The following CNTN3 variants were observed in gnomAD, a reference collection of about 807,000 sequenced individuals.
CNTN3 encodes contactin-3.
In CNTN3, 60 loss-of-function variants were observed where a neutral mutation model predicts 119.1. The ratio of observed to expected loss-of-function variants is 0.50; its 90% confidence interval spans 0.41 to 0.62. The LOEUF is 0.62. Ranked by LOEUF, CNTN3 falls within the 20% of genes least tolerant of loss-of-function variation. CNTN3 has a pLI of 0.00. For synonymous variants in CNTN3, 450 were observed against 438.7 expected, an observed-to-expected ratio of 1.03 and a Z score of -0.32; for missense variants, 1,101 against 1,242.4, an observed-to-expected ratio of 0.89 and a Z score of 1.71.
chr3:74,282,521 C>T (rs1021293683), intron 20 of CNTN3, among the ~76,000 whole-genome samples: 2 of 152,200 alleles, frequency 1.3e-5, no homozygotes, highest in African/African-American at 2.4e-5. Context: ...GTGCTGGGCA[C>T]TGTGGCTGGG....
At chr3:74,587,468 T>TCCAGAGA (rs1261047237) in intron 1 of CNTN3, among the ~76,000 whole-genome samples, 2 of 152,066 alleles carry the variant, frequency 1.3e-5, no homozygotes, top group African/African-American at 4.8e-5. Context: ...AAATTGTGAT[T>TCCAGAGA]CCATCAACTT....
At chr3:74,562,827 A>G (rs544805124) in intron 1 of CNTN3, among the ~76,000 whole-genome samples, 1 of 152,128 alleles carries the variant, frequency 6.6e-6, no homozygotes, top group South Asian at 2.1e-4. Context: ...GAAGAAAAAA[A>G]AAAATACTGT....
chr3:74,447,839 C>G lies in CNTN3; in HGVS notation c.359-22899G>C, dbSNP rs1022013164. ...ACCTGGACCCCAGGTTAAAATTGCT[C>G]TATGTAAAAACATGAACCATTTTTA... On this transcript the variant is annotated intron_variant, in intron 4 of 22. Transcript: ENST00000263665. Among the ~76,000 whole-genome samples the G allele has an allele frequency of 2.6e-5, 4 of 152,150 alleles. No individual in the cohort carries two copies. In the South Asian group the frequency reaches 6.2e-4, roughly 24 times the overall value.
intron 1 of CNTN3, among the ~76,000 whole-genome samples, chr3:74,555,954 A>G (rs1036097917): frequency 1.1e-4 from 17 of 152,246 alleles, no homozygotes; most frequent in African/African-American, 3.8e-4. Flanking sequence ...AAAATTAACA[A>G]TACGGTGTCT....
rs181763014 is a variant in CNTN3 at position 74,301,596 on chromosome 3, C to T, written c.1946-49G>A. 3.7e-3 allele frequency: 5,954 copies of T among 1,612,008 alleles called. 68 individuals are homozygous for T. The Middle Eastern group carries it at 0.054, about 15-fold the overall frequency. ...AAGAGTCTGCCTGCTTTAGCATTGA[C>T]TTGAAATCCATTTATATGTGTGCAG... is the stretch of plus-strand genomic sequence containing the variant. On this transcript the variant is annotated intron_variant, in intron 15 of 22. Coordinates refer to ENST00000263665, the MANE Select transcript of CNTN3 (RefSeq NM_020872.3).
chr3:74,330,188 C>A (rs1397649661), intron 13 of CNTN3, among the ~76,000 whole-genome samples: 1 of 151,882 alleles, frequency 6.6e-6, no homozygotes, highest in Non-Finnish European at 1.5e-5. Flanking sequence ...AAACCCCATC[C>A]CTACTAAAAA....
intron 5 of CNTN3, among the ~76,000 whole-genome samples, chr3:74,401,169 TCC>T (rs142578744): frequency 0.18 from 28,022 of 151,888 alleles, 3,282 homozygotes; most frequent in East Asian, 0.37. Context: ...AATGAAAATG[TCC>T]CCAAAAAAGG....
chr3:74,408,101 G>A (rs943297351), intron 5 of CNTN3, among the ~76,000 whole-genome samples: 1 of 152,176 alleles, frequency 6.6e-6, no homozygotes, highest in African/African-American at 2.4e-5. Flanking sequence ...GTAGGACCTT[G>A]AGAGGTCATC....
intron 13 of CNTN3, among the ~76,000 whole-genome samples, chr3:74,332,042 C>T (rs1703276773): frequency 6.6e-6 from 1 of 152,162 alleles, no homozygotes; most frequent in Non-Finnish European, 1.5e-5. Flanking sequence ...TTTCTATAAC[C>T]TGAACTACCC....
chr3:74,493,259 T>G (rs542129388), intron 3 of CNTN3, among the ~76,000 whole-genome samples: 4 of 152,270 alleles, frequency 2.6e-5, no homozygotes, highest in African/African-American at 9.6e-5. Flanking sequence ...AATTGTGTCT[T>G]CCATTTGAAC....
rs527502597 is a variant in CNTN3 at position 74,372,956 on chromosome 3, C to T, written c.455-1557G>A. On this transcript the variant is annotated intron_variant, in intron 5 of 22. Coordinates refer to ENST00000263665, the MANE Select transcript of CNTN3 (RefSeq NM_020872.3). Reference sequence around the variant, plus strand: ...AAACATGATGACTAATTCCCATTCACGATGCAAATGCAAATGCTTGATGTT... The same window carrying T: ...AAACATGATGACTAATTCCCATTCATGATGCAAATGCAAATGCTTGATGTT... 3.7e-4 allele frequency among the ~76,000 whole-genome samples: 56 copies of T among 152,272 alleles called. 1 individual carries two copies. The highest frequency in any genetic ancestry group is 2.6e-3 in the Admixed American group (40 of 15,292).
intron 1 of CNTN3, among the ~76,000 whole-genome samples, chr3:74,541,706 G>C (rs1703845161): frequency 6.6e-6 from 1 of 151,984 alleles, no homozygotes; most frequent in African/African-American, 2.4e-5. Flanking sequence ...TATGTGCTGG[G>C]GTCATGAGAG....
intron 1 of CNTN3, among the ~76,000 whole-genome samples, chr3:74,581,001 C>T (rs776985490): frequency 1.3e-5 from 2 of 152,164 alleles, no homozygotes; most frequent in Non-Finnish European, 2.9e-5. Context: ...GGATTACAGG[C>T]GTGAGCCACC....
At position 74,595,987 on chromosome 3, in the gene CNTN3, CA is replaced by C. The variant is rs559938000; in HGVS notation, c.-81+18403del. On this transcript the variant is annotated intron_variant, in intron 1 of 22. Coordinates refer to ENST00000263665, the MANE Select transcript of CNTN3 (RefSeq NM_020872.3). ...TCCTTAAGATGATAAGCAACTTCAG[CA>C]AAGTCTCAGGATACAAAATCAATGT... 2.9e-3 allele frequency among the ~76,000 whole-genome samples: 442 copies of C among 152,176 alleles called. 2 individuals are homozygous for C. Among genetic ancestry groups the C allele is most frequent in the Non-Finnish European group, 4.8e-3 (324 of 67,986 alleles).
At chr3:74,494,950 G>A (rs762208103) in intron 3 of CNTN3, among the ~76,000 whole-genome samples, 8 of 152,056 alleles carry the variant, frequency 5.3e-5, no homozygotes, top group Non-Finnish European at 1.0e-4. Context: ...TGTCAAGAAC[G>A]CTTCCTAGGA....
chr3:74,379,794 G>C (rs533309773), intron 5 of CNTN3, among the ~76,000 whole-genome samples: 4 of 152,126 alleles, frequency 2.6e-5, no homozygotes, highest in Non-Finnish European at 5.9e-5. Context: ...GGCTTGGGGG[G>C]ACTGAAGAGG....
Position 74,563,201 on chromosome 3 carries a change from G to A in CNTN3, c.-80-42009C>T, listed in dbSNP as rs546432708. 2.0e-4 allele frequency among the ~76,000 whole-genome samples: 30 copies of A among 152,126 alleles called. 1 individual carries two copies. In the South Asian group the frequency reaches 2.1e-3, roughly 11 times the overall value. On this transcript the variant is annotated intron_variant, in intron 1 of 22. Transcript: ENST00000263665. ...TAGTGCTTCTTTCGGTTGCCAAGTC[G>A]CAGATGTTTCTGCTTTCTCATTTCT...
At chr3:74,360,666 G>T (rs999075006) in intron 11 of CNTN3, among the ~76,000 whole-genome samples, 3 of 152,058 alleles carry the variant, frequency 2.0e-5, no homozygotes, top group African/African-American at 7.2e-5. Context: ...TCTGAATCTG[G>T]AATCATTTTG....
At chr3:74,328,102 T>C (rs934082030) in intron 13 of CNTN3, among the ~76,000 whole-genome samples, 7 of 151,972 alleles carry the variant, frequency 4.6e-5, no homozygotes, top group Admixed American at 4.6e-4. Flanking sequence ...GGAGTGTGTA[T>C]TTTTTATCTG....
Sources: gnomAD v4.1 joint callset for allele counts (sites outside exome capture counted in the v4.1 genomes callset) on GRCh38, gnomAD v4.1.1 for gene constraint, MANE v1.5 for transcripts, NCBI Gene and HGNC (gene_info 2026-07-23, HGNC 2026-07-21) for gene names.